The following MAPK4 variants were observed in gnomAD, a reference collection of about 807,000 sequenced individuals.
The protein encoded by MAPK4 is Erk3-related.
Under a neutral mutation model 47.7 loss-of-function variants are expected in MAPK4, and 22 were observed. That is an observed-to-expected ratio of 0.46 (90% CI 0.33 to 0.66). MAPK4 has a LOEUF of 0.66. Among genes scored for constraint, MAPK4 ranks in the 30% least tolerant of loss-of-function variants. The probability of loss-of-function intolerance (pLI) is 0.02; values close to 1 mark genes in which losing one functional copy is unlikely to be tolerated. For missense variants in MAPK4, 736 were observed against 831.7 expected (o/e 0.88, Z 1.42); for synonymous variants, 390 against 365.7 (o/e 1.07, Z -0.76).
At chr18:50,648,232 G>C (rs2043009912) in intron 1 of MAPK4, among the ~76,000 whole-genome samples, 1 of 152,028 alleles carries the variant, frequency 6.6e-6, no homozygotes, top group Admixed American at 6.6e-5. Context: ...GCATGAGCAG[G>C]GTTGCTCCAG....
At chr18:50,665,344 G>T (rs1482491859) in intron 2 of MAPK4, among the ~76,000 whole-genome samples, 1 of 152,206 alleles carries the variant, frequency 6.6e-6, no homozygotes, top group South Asian at 2.1e-4. Context: ...GTGCCTCTGA[G>T]CCCCTCAGCA....
intron 1 of MAPK4, among the ~76,000 whole-genome samples, chr18:50,595,787 T>C (rs529897964): frequency 6.6e-6 from 1 of 152,382 alleles, no homozygotes; most frequent in South Asian, 2.1e-4. Context: ...TTGAACTTTC[T>C]GCTTCTATTA....
chr18:50,717,370 C>T (rs372178135), intron 3 of MAPK4, among the ~76,000 whole-genome samples: 1 of 152,156 alleles, frequency 6.6e-6, no homozygotes, highest in African/African-American at 2.4e-5. Context: ...CAGTGTGGCC[C>T]AGGGGGAGCG....
intron 2 of MAPK4, among the ~76,000 whole-genome samples, chr18:50,677,845 G>C (rs953923849): frequency 1.3e-5 from 2 of 152,180 alleles, no homozygotes; most frequent in Non-Finnish European, 2.9e-5. Flanking sequence ...ATGAGCCCCT[G>C]CACCTCCCAG....
chr18:50,658,073 A>C (rs1254699194), intron 1 of MAPK4, among the ~76,000 whole-genome samples: 3 of 152,154 alleles, frequency 2.0e-5, no homozygotes, highest in African/African-American at 7.2e-5. Context: ...GGTCAAGAAC[A>C]TGATGGAAGG....
At chr18:50,560,827 C>A (rs2042147246) in intron 1 of MAPK4, 1 of 152,356 alleles carries the variant, frequency 6.6e-6, no homozygotes, top group Admixed American at 6.5e-5. Flanking sequence ...GACCCAGAGC[C>A]CCAGCCTGCC....
intron 1 of MAPK4, among the ~76,000 whole-genome samples, chr18:50,649,956 A>C (rs1196379065): frequency 2.0e-5 from 3 of 152,164 alleles, no homozygotes; most frequent in African/African-American, 7.2e-5. Flanking sequence ...CTGCAGGCCA[A>C]ATATCCAAGT....
rs149514785 is a variant in MAPK4 at position 50,718,309 on chromosome 18, C to T, written c.691+3086C>T. On this transcript the variant is annotated intron_variant, in intron 3 of 5. Transcript: ENST00000400384. ...ATCTTGGCTCACTGCAACCTCCACC[C>T]CCCATTTCAAGCGATTCTCATGTCT... Among the ~76,000 whole-genome samples, 1,152 of 152,318 alleles carry T rather than the reference C, an allele frequency of 7.6e-3. 8 individuals are homozygous for T. The highest frequency in any genetic ancestry group is 0.011 in the Non-Finnish European group (727 of 68,026).
chr18:50,722,929 G>A (rs1257623741), intron 4 of MAPK4, among the ~76,000 whole-genome samples: 1 of 152,144 alleles, frequency 6.6e-6, no homozygotes, highest in Non-Finnish European at 1.5e-5. Flanking sequence ...AATCCACTGG[G>A]CCAGAGGAAG....
At chr18:50,575,625 A>G (rs1242358238) in intron 1 of MAPK4, among the ~76,000 whole-genome samples, 1 of 152,150 alleles carries the variant, frequency 6.6e-6, no homozygotes, top group Admixed American at 6.5e-5. Flanking sequence ...AAAAACAAAA[A>G]TTGACAAATG....
chr18:50,590,132 GC>G, intron 1 of MAPK4, among the ~76,000 whole-genome samples: 2 of 152,292 alleles, frequency 1.3e-5, no homozygotes, highest in Admixed American at 1.3e-4. Flanking sequence ...ACATTTTTCA[GC>G]CTATAATAGG....
intron 2 of MAPK4, among the ~76,000 whole-genome samples, chr18:50,697,471 C>G (rs561775450): frequency 2.0e-5 from 3 of 152,260 alleles, no homozygotes; most frequent in South Asian, 4.1e-4. Context: ...AAAGTGTTAA[C>G]ACAGTGTTTG....
intron 1 of MAPK4, among the ~76,000 whole-genome samples, chr18:50,607,186 C>T (rs1286805433): frequency 2.0e-5 from 3 of 152,046 alleles, no homozygotes; most frequent in African/African-American, 7.2e-5. Flanking sequence ...CTAATGGGGC[C>T]AGGGGGGAGG....
intron 1 of MAPK4, among the ~76,000 whole-genome samples, chr18:50,603,911 G>A (rs1014627528): frequency 1.3e-5 from 2 of 152,024 alleles, no homozygotes; most frequent in Non-Finnish European, 2.9e-5. Context: ...TTACTCATTG[G>A]GGCCTTTACT....
intron 1 of MAPK4, among the ~76,000 whole-genome samples, chr18:50,619,608 C>T (rs768602684): frequency 5.9e-5 from 9 of 152,288 alleles, no homozygotes; most frequent in Admixed American, 2.6e-4. Context: ...GGATTACAGG[C>T]GTGAGCCACC....
In MAPK4 at chr18:50,664,289, G is replaced by A. The variant is rs200812352; in HGVS notation, c.331G>A (p.Asp111Asn). 73 of 1,613,440 alleles carry A rather than the reference G, an allele frequency of 4.5e-5. No individual in the cohort carries two copies. In the African/African-American group the frequency reaches 7.7e-4, roughly 17 times the overall value. The change falls in exon 2 of 6, where the codon GAC becomes AAC. Residue 111 changes from aspartate (D) to asparagine (N), a missense_variant. By Grantham distance (23) the Asp-to-Asn change is conservative. Around this residue, in one of 3 missense-constraint regions of MAPK4, gnomAD observed 327 missense variants for 395.4 expected, o/e 0.83. Coordinates refer to ENST00000400384, the MANE Select transcript of MAPK4 (RefSeq NM_002747.4). This position sits in a 1 kb window ranked among gnomAD's most constrained non-coding sequence, Gnocchi z 6.0. ...AYIVQEYMET[D>N]LARLLEQGTL... ...CATCGTCCAGGAGTACATGGAGACC[G>A]ACCTGGCACGCCTGCTGGAGCAGGG...
chr18:50,630,654 C>T (rs2042820880), intron 1 of MAPK4, among the ~76,000 whole-genome samples: 1 of 152,240 alleles, frequency 6.6e-6, no homozygotes, highest in African/African-American at 2.4e-5. Flanking sequence ...CTCCTCTGCA[C>T]TCCTCTGATC....
intron 1 of MAPK4, among the ~76,000 whole-genome samples, chr18:50,616,382 G>A (rs576373661): frequency 6.6e-6 from 1 of 152,234 alleles, no homozygotes; most frequent in African/African-American, 2.4e-5. Context: ...ATAAAATATG[G>A]TCATTGTTAT....
intron 1 of MAPK4, among the ~76,000 whole-genome samples, chr18:50,658,306 G>A (rs2043133156): frequency 6.6e-6 from 1 of 152,102 alleles, no homozygotes; most frequent in African/African-American, 2.4e-5. Flanking sequence ...AACTCACACT[G>A]AGCCTAGATG....
Sources: allele counts gnomAD v4.1 joint callset (sites outside exome capture counted in the v4.1 genomes callset), GRCh38; gene constraint gnomAD v4.1.1; regional missense constraint gnomAD v4.1.1; non-coding constraint Gnocchi (gnomAD v3.1); transcripts MANE v1.5; gene names NCBI Gene and HGNC (gene_info 2026-07-23, HGNC 2026-07-21).